The following ZG16 variants were observed in gnomAD, a reference collection of about 807,000 sequenced individuals.
ZG16 encodes zymogen granule membrane protein 16.
ZG16 carries 9 observed loss-of-function variants against 15.6 expected under a neutral mutation model. The observed-to-expected ratio is 0.58, with a 90% CI of 0.35 to 1.00. ZG16 has a LOEUF of 1.00. ZG16 is among the 50% of genes least tolerant of loss of function. The pLI, the probability that ZG16 is intolerant of heterozygous loss-of-function variation, is 0.02. For missense variants in ZG16, 174 were observed against 214.8 expected, an observed-to-expected ratio of 0.81 and a Z score of 1.19; for synonymous variants, 89 against 87.4, an observed-to-expected ratio of 1.02 and a Z score of -0.10.
intron 1 of ZG16, among the ~76,000 whole-genome samples, chr16:29,778,549 C>T (rs1315090506): frequency 6.6e-6 from 1 of 152,170 alleles, no homozygotes; most frequent in East Asian, 1.9e-4. Flanking sequence ...ACACATAGAC[C>T]AGGCACCTGG....
chr16:29,780,069 C>T (rs1898604937), intron 3 of ZG16, 35 bp from the exon 4 acceptor site: 6 of 1,508,266 alleles, frequency 4.0e-6, no homozygotes, highest in Non-Finnish European at 5.3e-6. Context: ...CTATCATCAC[C>T]TTTCTTTCTC....
In ZG16 at chr16:29,782,008, A is replaced by G. The variant is rs1438650467; in HGVS notation, c.*1589A>G. On this transcript the variant is annotated 3_prime_UTR_variant, in exon 4 of 4. Transcript: ENST00000400752. ...AGGCAGGTTCACACACTACCTGAGG[A>G]AGCTGGTCTTTGTGACAGACAAGAG... 2.0e-5 allele frequency: 3 copies of G among 152,236 alleles called. No individual in the cohort carries two copies. Among genetic ancestry groups the G allele is most frequent in the African/African-American group, 4.8e-5 (2 of 41,448 alleles). 9.4% of individuals were successfully genotyped at this position (152,236 alleles called of 1,614,324 possible).
chr16:29,781,147 G>A lies in ZG16; in HGVS notation c.*728G>A, dbSNP rs1445957818. On this transcript the variant is annotated 3_prime_UTR_variant, in exon 4 of 4. Coordinates refer to ENST00000400752, the MANE Select transcript of ZG16 (RefSeq NM_152338.4). ...GTGGACTGCGGGAGGCTGACACTAG[G>A]CTGAACTCATTAAGGAATGAATGGG... 6.6e-6 allele frequency: 1 copy of A among 152,300 alleles called. No homozygotes were observed. The highest frequency in any genetic ancestry group is 6.5e-5 in the Admixed American group (1 of 15,274). The allele number at this position is 152,300 out of a possible 1,614,324, so 9.4% of individuals were successfully genotyped here. A position where few individuals can be genotyped will look rare whatever the true frequency, so the allele number is the denominator to read the frequency against.
At chr16:29,778,578 G>A (rs1455825426) in intron 1 of ZG16, among the ~76,000 whole-genome samples, 1 of 151,814 alleles carries the variant, frequency 6.6e-6, no homozygotes, top group Non-Finnish European at 1.5e-5. Context: ...ATCTTGAGCT[G>A]GTCCCGACTC....
In ZG16 at chr16:29,781,161, G is replaced by A. The variant is rs1388884780; in HGVS notation, c.*742G>A. The stretch of plus-strand genomic sequence containing the variant: ...GCTGACACTAGGCTGAACTCATTAA[G>A]GAATGAATGGGAGGTGAGAAGACAC... On this transcript the variant is annotated 3_prime_UTR_variant, in exon 4 of 4. Transcript: ENST00000400752. 2 of 152,288 alleles carry A rather than the reference G, an allele frequency of 1.3e-5. No homozygotes were observed. The highest frequency in any genetic ancestry group is 6.5e-5 in the Admixed American group (1 of 15,280). 9.4% of individuals were successfully genotyped at this position (152,288 alleles called of 1,614,324 possible).
Position 29,780,568 on chromosome 16 carries a change from C to G in ZG16, c.*149C>G. The G allele has an allele frequency of 1.4e-6, 1 of 705,834 alleles. No homozygotes were observed. Among genetic ancestry groups the G allele is most frequent in the Non-Finnish European group, 2.3e-6 (1 of 443,064 alleles). 43.7% of individuals were successfully genotyped at this position (705,834 alleles called of 1,614,324 possible). A position where few individuals can be genotyped will look rare whatever the true frequency, so the allele number is the denominator to read the frequency against. On this transcript the variant is annotated 3_prime_UTR_variant, in exon 4 of 4. Coordinates refer to ENST00000400752, the MANE Select transcript of ZG16 (RefSeq NM_152338.4). ...TGGGATATCTGCCTCCTGACTTAGC[C>G]GGGGACGTGCAAATCTCACTTCTGG...
In ZG16 at chr16:29,779,264, A is replaced by G; in HGVS notation, c.-3A>G. The G allele has an allele frequency of 1.3e-6, 2 of 1,537,760 alleles. No homozygotes were observed. Among genetic ancestry groups the G allele is most frequent in the Admixed American group, 2.0e-5 (1 of 51,000 alleles). ...GCTCTTTTCTTCCCACTCCAGCCCC[A>G]GAATGTTGACAGTCGCTCTCCTAGC... On this transcript the variant is annotated 5_prime_UTR_variant, in exon 2 of 4. Transcript: ENST00000400752.
chr16:29,781,350 G>A lies in ZG16; in HGVS notation c.*931G>A, dbSNP rs554853459. Reference sequence around the variant, plus strand: ...TGATAAAGAGGAAGAAAGAGAAAGAGGCTGGAGATTCTGAAAAGAGATCAC... The same window carrying A: ...TGATAAAGAGGAAGAAAGAGAAAGAAGCTGGAGATTCTGAAAAGAGATCAC... On this transcript the variant is annotated 3_prime_UTR_variant, in exon 4 of 4. Coordinates refer to ENST00000400752, the MANE Select transcript of ZG16 (RefSeq NM_152338.4). 1 of 152,236 alleles carries A rather than the reference G, an allele frequency of 6.6e-6. No individual in the cohort carries two copies. The highest frequency in any genetic ancestry group is 1.5e-5 in the Non-Finnish European group (1 of 68,050). The allele number at this position is 152,236 out of a possible 1,614,324, so 9.4% of individuals were successfully genotyped here. A position where few individuals can be genotyped will look rare whatever the true frequency, so the allele number is the denominator to read the frequency against.
Position 29,781,995 on chromosome 16 carries a change from A to G in ZG16, c.*1576A>G, listed in dbSNP as rs1898629577. ...TGGGCATCAGATCAGGCAGGTTCAC[A>G]CACTACCTGAGGAAGCTGGTCTTTG... On this transcript the variant is annotated 3_prime_UTR_variant, in exon 4 of 4. Transcript: ENST00000400752. The G allele has an allele frequency of 6.6e-6, 1 of 152,222 alleles. No homozygotes were observed. Among genetic ancestry groups the G allele is most frequent in the Non-Finnish European group, 1.5e-5 (1 of 68,042 alleles). 9.4% of individuals were successfully genotyped at this position (152,222 alleles called of 1,614,324 possible).
chr16:29,779,969 G>C (rs1267288009), intron 3 of ZG16, 135 bp from the exon 4 acceptor site: 2 of 851,022 alleles, frequency 2.4e-6, no homozygotes, highest in Non-Finnish European at 1.8e-6. Flanking sequence ...GAGTCTCTTT[G>C]TTGGCAAAAT....
chr16:29,779,819 C>CA (rs1348659206), intron 3 of ZG16, among the ~76,000 whole-genome samples, 182 bp downstream of exon 3: 2 of 151,878 alleles, frequency 1.3e-5, no homozygotes, highest in African/African-American at 4.8e-5. Flanking sequence ...CGAAGAAAAA[C>CA]AAAAAAATTA....
rs1255915537 is a variant in ZG16, at chr16:29,779,279, G to A, written c.13G>A (p.Ala5Thr). Reference protein sequence around the residue: MLTVALLALLCASAS... With the variant: MLTVTLLALLCASAS... ...CTCCAGCCCCAGAATGTTGACAGTC[G>A]CTCTCCTAGCCCTTCTCTGTGCCTC... The change falls in exon 2 of 4, where the codon GCT becomes ACT. Residue 5 changes from alanine (A) to threonine (T), a missense_variant. Physicochemically the swap from Ala to Thr is moderately conservative, Grantham distance 58 (BLOSUM62 0). Transcript: ENST00000400752. The A allele has an allele frequency of 6.5e-6, 10 of 1,537,712 alleles. No homozygotes were observed. Among genetic ancestry groups the A allele is most frequent in the Middle Eastern group, 3.3e-4 (2 of 5,992 alleles).
rs1421422635 is a variant in ZG16, at chr16:29,780,126, G to A, written c.211G>A (p.Val71Met). The change falls in exon 4 of 4, where the codon GTG becomes ATG. Residue 71 changes from valine (V) to methionine (M), a missense_variant. Coordinates refer to ENST00000400752, the MANE Select transcript of ZG16 (RefSeq NM_152338.4). ...IVGLQVRYGK[V>M]WSDYVGGRNG... ...CAGTCTTCAGGTGCGCTATGGCAAGGTGTGGAGCGACTATGTGGGTGGTCG... is the reference window on the plus strand; with the variant it reads ...CAGTCTTCAGGTGCGCTATGGCAAGATGTGGAGCGACTATGTGGGTGGTCG... 8 of 1,536,984 alleles carry A rather than the reference G, an allele frequency of 5.2e-6. No homozygotes were observed. In the African/African-American group the frequency reaches 8.2e-5, roughly 16 times the overall value.
chr16:29,780,227 C>T lies in ZG16; in HGVS notation c.312C>T (p.Tyr104=). The stretch of plus-strand genomic sequence containing the variant: ...AGGTTTCTGGGAAGTACAAGTGGTA[C>T]CTGAAGAAGCTGGTATTTGTGACAG... ...VIQVSGKYKW[Y]LKKLVFVTDK... is the part of the protein sequence containing the mutation. The change falls in exon 4 of 4, where the codon TAC becomes TAT. Residue 104 remains tyrosine (Y), a synonymous_variant. Transcript: ENST00000400752. The T allele has an allele frequency of 6.5e-7, 1 of 1,537,450 alleles. No homozygotes were observed. Among genetic ancestry groups the T allele is most frequent in the Non-Finnish European group, 8.7e-7 (1 of 1,146,950 alleles).
chr16:29,780,343 G>C lies in ZG16; in HGVS notation c.428G>C (p.Ser143Thr), dbSNP rs1389022968. Residue 143 changes from serine (S) to threonine (T), a missense_variant, in exon 4 of 4, where the codon AGT (serine) becomes ACT (threonine). Coordinates refer to ENST00000400752, the MANE Select transcript of ZG16 (RefSeq NM_152338.4). ...LHPNTVLRFI[S>T]GRSGSLIDAI... ...CCCAACACCGTGCTCCGCTTCATCA[G>C]TGGCCGGTCTGGTTCTCTCATCGAT... The C allele has an allele frequency of 1.3e-6, 2 of 1,537,324 alleles. No homozygotes were observed. The highest frequency in any genetic ancestry group is 3.9e-5 in the Admixed American group (2 of 50,998).
chr16:29,779,176 G>A, intron 1 of ZG16, 84 bp from the exon 2 acceptor site: 1 of 1,367,996 alleles, frequency 7.3e-7, no homozygotes, highest in South Asian at 1.2e-5. Context: ...GGCTTGGTCT[G>A]AGCTGCAGGT....
intron 1 of ZG16, 63 bp downstream of exon 1, chr16:29,778,369 G>A (rs1481862671): frequency 6.6e-6 from 1 of 152,316 alleles, no homozygotes; most frequent in Non-Finnish European, 1.5e-5. Context: ...AGCTGGCGAA[G>A]AGGATGCCTG....
chr16:29,780,319 C>T lies in ZG16; in HGVS notation c.404C>T (p.Pro135Leu). ...GTSFNAVPLH[P>L]NTVLRFISGR... ...AGTTTCAATGCCGTCCCCTTGCACC[C>T]CAACACCGTGCTCCGCTTCATCAGT... Residue 135 changes from proline (P) to leucine (L), a missense_variant, in exon 4 of 4, where the codon CCC becomes CTC. Physicochemically the swap from Pro to Leu is moderately conservative, Grantham distance 98. Coordinates refer to ENST00000400752, the MANE Select transcript of ZG16 (RefSeq NM_152338.4). 1 of 1,537,342 alleles carries T rather than the reference C, an allele frequency of 6.5e-7. No individual in the cohort carries two copies. The highest frequency in any genetic ancestry group is 1.2e-5 in the South Asian group (1 of 84,058).
rs752214209 is a variant in ZG16 at position 29,782,317 on chromosome 16, C to T, written c.*1898C>T. 6.6e-6 allele frequency: 1 copy of T among 152,152 alleles called. No individual in the cohort carries two copies. The highest frequency in any genetic ancestry group is 2.4e-5 in the African/African-American group (1 of 41,408). The allele number at this position is 152,152 out of a possible 1,614,324, so 9.4% of individuals were successfully genotyped here. A position where few individuals can be genotyped will look rare whatever the true frequency, so the allele number is the denominator to read the frequency against. ...GCAAGGGGGCTCACACCTGTAATCC[C>T]AGCACACTTGTAATCCCAGGAGGGT... On this transcript the variant is annotated 3_prime_UTR_variant, in exon 4 of 4. Transcript: ENST00000400752.
Sources: gnomAD v4.1 joint callset for allele counts (sites outside exome capture counted in the v4.1 genomes callset) on GRCh38, gnomAD v4.1.1 for gene constraint, MANE v1.5 for transcripts, NCBI Gene and HGNC (gene_info 2026-07-23, HGNC 2026-07-21) for gene names.